Variants in PRKAG2 observed in about 807,000 individuals in gnomAD.
PRKAG2 encodes 5'-AMP-activated protein kinase subunit gamma-2.
In PRKAG2, 26 loss-of-function variants were observed where a neutral mutation model predicts 69.6. The ratio of observed to expected loss-of-function variants is 0.37; its 90% CI spans 0.27 to 0.52. The LOEUF is 0.52. Ranked by LOEUF, PRKAG2 falls within the 20% of genes least tolerant of loss-of-function variation. The pLI, the probability that PRKAG2 is intolerant of heterozygous loss-of-function variation, is 0.90. For synonymous variants in PRKAG2, 293 were observed against 285.0 expected, an observed-to-expected ratio of 1.03 and a Z score of -0.28; for missense variants, 557 against 740.0, an observed-to-expected ratio of 0.75 and a Z score of 2.87.
chr7:151,703,509 A>G (rs117647223), intron 3 of PRKAG2, among the ~76,000 whole-genome samples: 2,304 of 125,490 alleles, frequency 0.018, 21 homozygotes, highest in Non-Finnish European at 0.025. Context: ...GGCTTTAAAA[A>G]ATGTTTTATG....
chr7:151,829,808 C>G (rs1205655638), intron 1 of PRKAG2, among the ~76,000 whole-genome samples: 3 of 151,182 alleles, frequency 2.0e-5, no homozygotes, highest in African/African-American at 7.3e-5. Context: ...GACCCTGCAG[C>G]GGGGGAGGGC....
At chr7:151,832,251 G>A (rs80340935) in intron 1 of PRKAG2, among the ~76,000 whole-genome samples, 308 of 22,960 alleles carry the variant, frequency 0.013, 2 homozygotes, top group Middle Eastern at 0.08. Flanking sequence ...AGGGAAGGAA[G>A]GGAGGAGGGA....
chr7:151,646,865 A>G (rs1182554920), intron 4 of PRKAG2, among the ~76,000 whole-genome samples: 1 of 152,204 alleles, frequency 6.6e-6, no homozygotes, highest in Non-Finnish European at 1.5e-5. Flanking sequence ...AGTGGTATCC[A>G]CCATTTGACG....
chr7:151,709,644 CATG>C (rs1465655103), intron 3 of PRKAG2, among the ~76,000 whole-genome samples: 5 of 152,096 alleles, frequency 3.3e-5, no homozygotes, highest in Admixed American at 2.0e-4. Flanking sequence ...CTGTCAGTGA[CATG>C]ATATATGTGA....
chr7:151,643,287 C>T (rs1827052368), intron 4 of PRKAG2, among the ~76,000 whole-genome samples: 1 of 152,178 alleles, frequency 6.6e-6, no homozygotes, highest in African/African-American at 2.4e-5. Flanking sequence ...ATTCTTAATG[C>T]AGCCAAGTCA....
At chr7:151,774,503 A>G (rs1196690343) in intron 3 of PRKAG2, among the ~76,000 whole-genome samples, 3 of 152,136 alleles carry the variant, frequency 2.0e-5, no homozygotes, top group African/African-American at 7.2e-5. Flanking sequence ...TTTCCCCTTA[A>G]TAATATAAAA....
intron 6 of PRKAG2, among the ~76,000 whole-genome samples, chr7:151,594,416 C>T (rs1563211448): frequency 6.6e-6 from 1 of 152,142 alleles, no homozygotes; most frequent in Non-Finnish European, 1.5e-5. Flanking sequence ...GTAGTTTGAT[C>T]ACGGTATTGA....
chr7:151,856,429 C>T (rs2079777558), intron 1 of PRKAG2, among the ~76,000 whole-genome samples: 1 of 152,236 alleles, frequency 6.6e-6, no homozygotes, highest in South Asian at 2.1e-4. Flanking sequence ...GGTATTTTGC[C>T]TTCTTCATTG....
intron 1 of PRKAG2, chr7:151,806,662 G>A (rs1177437049): frequency 9.9e-6 from 2 of 202,620 alleles, no homozygotes; most frequent in South Asian, 7.1e-5. Flanking sequence ...AGTCTTGGGA[G>A]GATTTTTAAA....
intron 3 of PRKAG2, among the ~76,000 whole-genome samples, chr7:151,696,268 G>T (rs112810819): frequency 6.6e-6 from 1 of 152,094 alleles, no homozygotes; most frequent in African/African-American, 2.4e-5. Context: ...AACGTGGCGC[G>T]CCCGGGGCCT....
intron 15 of PRKAG2, chr7:151,559,934 C>T (rs1178247711): frequency 1.0e-6 from 1 of 985,258 alleles, no homozygotes. Flanking sequence ...GGAAGGCCAG[C>T]TCCTCTTGTC....
intron 4 of PRKAG2, among the ~76,000 whole-genome samples, chr7:151,641,511 G>T (rs1463115090): frequency 6.6e-6 from 1 of 152,010 alleles, no homozygotes; most frequent in Non-Finnish European, 1.5e-5. Context: ...GCCTCCCAAA[G>T]TGCTGGGATG....
chr7:151,785,296 G>C (rs1463039960), intron 2 of PRKAG2, among the ~76,000 whole-genome samples: 7 of 152,234 alleles, frequency 4.6e-5, no homozygotes, highest in Admixed American at 6.5e-5. Context: ...TGGAAAGAAG[G>C]GTTTTGCAGA....
intron 1 of PRKAG2, among the ~76,000 whole-genome samples, chr7:151,831,538 G>T (rs986247631): frequency 1.3e-5 from 2 of 152,216 alleles, no homozygotes; most frequent in African/African-American, 4.8e-5. Context: ...CCATTAAAGT[G>T]GTTTCTGGTC....
intron 1 of PRKAG2, among the ~76,000 whole-genome samples, chr7:151,867,972 C>T (rs1306005785): frequency 6.6e-6 from 1 of 152,210 alleles, no homozygotes; most frequent in Non-Finnish European, 1.5e-5. Context: ...CTGCAGGGCA[C>T]CCCCCTCCAG....
At chr7:151,754,220 A>G (rs2074910894) in intron 3 of PRKAG2, among the ~76,000 whole-genome samples, 1 of 152,224 alleles carries the variant, frequency 6.6e-6, no homozygotes. Context: ...TGGACACAGG[A>G]TGTGCAGGCC....
intron 1 of PRKAG2, among the ~76,000 whole-genome samples, chr7:151,868,907 G>A (rs1191587408): frequency 1.3e-5 from 2 of 152,252 alleles, no homozygotes; most frequent in Non-Finnish European, 2.9e-5. Flanking sequence ...GTATTTGCCT[G>A]AAGGTTTTAG....
At chr7:151,779,233 C>A (rs1225271245) in intron 3 of PRKAG2, among the ~76,000 whole-genome samples, 1 of 152,330 alleles carries the variant, frequency 6.6e-6, no homozygotes, top group East Asian at 1.9e-4. Flanking sequence ...AAGAACAGCT[C>A]ATTTCCCAGG....
chr7:151,559,781 A>G, intron 15 of PRKAG2: 1 of 985,234 alleles, frequency 1.0e-6, no homozygotes, highest in Non-Finnish European at 1.2e-6. Context: ...CATCGGGTCC[A>G]TGTGGCCCTG....
Sources: allele counts gnomAD v4.1 joint callset (sites outside exome capture counted in the v4.1 genomes callset), GRCh38; gene constraint gnomAD v4.1.1; transcripts MANE v1.5; gene names NCBI Gene and HGNC (gene_info 2026-07-23, HGNC 2026-07-21).